VKORC1L1: variants seen among roughly 807,000 people sequenced by gnomAD.
VKORC1L1 encodes vitamin K epoxide reductase complex subunit 1-like protein 1.
Under a neutral mutation model 18.9 loss-of-function variants are expected in VKORC1L1, and 2 were observed. That is an observed-to-expected ratio of 0.11 (90% CI 0.04 to 0.33). The LOEUF is 0.33. Among genes scored for constraint, VKORC1L1 ranks in the 10% least tolerant of loss-of-function variants. The pLI, the probability that VKORC1L1 is intolerant of heterozygous loss-of-function variation, is 1.00. For synonymous variants in VKORC1L1, 96 were observed against 100.0 expected, an observed-to-expected ratio of 0.96 and a Z score of 0.24; for missense variants, 123 against 224.1, an observed-to-expected ratio of 0.55 and a Z score of 2.88.
At position 65,934,978 on chromosome 7, in the gene VKORC1L1, C is replaced by T. The variant is rs193278362; in HGVS notation, c.195-13693C>T. Among the ~76,000 whole-genome samples the T allele has an allele frequency of 5.4e-5, 8 of 147,270 alleles. No homozygotes were observed. In the South Asian group the frequency reaches 9.3e-4, roughly 17 times the overall value. ...CTGAGGCAGGAGAATCACTTGAACCCGGGAGGTGGATGTTGCAGTGAGTGG... is the reference window on the plus strand; with the variant it reads ...CTGAGGCAGGAGAATCACTTGAACCTGGGAGGTGGATGTTGCAGTGAGTGG... On this transcript the variant is annotated intron_variant, in intron 1 of 2. Coordinates refer to ENST00000360768, the MANE Select transcript of VKORC1L1 (RefSeq NM_173517.6).
chr7:65,954,144 G>A lies in VKORC1L1; in HGVS notation c.375G>A (p.Leu125=), dbSNP rs1273917765. The A allele has an allele frequency of 1.2e-6, 2 of 1,613,018 alleles. No individual in the cohort carries two copies. Among genetic ancestry groups the A allele is most frequent in the South Asian group, 1.1e-5 (1 of 91,064 alleles). ...TSSIMSVVGS[L]YLAYILYFVL... is the part of the protein sequence containing the mutation. ...CCATCATGTCGGTCGTGGGGTCCCT[G>A]TACCTGGCCTACATTCTGTACTTTG... The change falls in exon 3 of 3, where the codon CTG becomes CTA. Residue 125 remains leucine (L), a synonymous_variant. Coordinates refer to ENST00000360768, the MANE Select transcript of VKORC1L1 (RefSeq NM_173517.6).
At chr7:65,872,920 T>C (rs1195206690), upstream of VKORC1L1, among the ~76,000 whole-genome samples, 1 of 151,140 alleles carries the variant, frequency 6.6e-6, no homozygotes, top group East Asian at 2.0e-4. Context: ...CTCCTTTAAG[T>C]CCCTCCCGCA....
intron 1 of VKORC1L1, among the ~76,000 whole-genome samples, chr7:65,887,856 G>A (rs1394199993): frequency 6.6e-6 from 1 of 151,632 alleles, no homozygotes; most frequent in Non-Finnish European, 1.5e-5. Flanking sequence ...TAACAGGATT[G>A]CTTCGCAATA....
At chr7:65,919,516 C>T (rs761637310) in intron 1 of VKORC1L1, among the ~76,000 whole-genome samples, 4 of 152,056 alleles carry the variant, frequency 2.6e-5, no homozygotes, top group Non-Finnish European at 4.4e-5. Context: ...AGTCAGAAAC[C>T]TCTGTGTCAT....
At chr7:65,941,721 G>A (rs1438735014) in intron 1 of VKORC1L1, among the ~76,000 whole-genome samples, 1 of 133,822 alleles carries the variant, frequency 7.5e-6, no homozygotes, top group African/African-American at 2.9e-5. Context: ...CTATCATCCA[G>A]GCTGGGGTGC....
At chr7:65,893,137 A>G (rs932415108) in intron 1 of VKORC1L1, among the ~76,000 whole-genome samples, 1 of 152,108 alleles carries the variant, frequency 6.6e-6, no homozygotes, top group African/African-American at 2.4e-5. Flanking sequence ...CACTCTTCTC[A>G]CTCATTTTTT....
At chr7:65,880,834 T>C (rs1788916183) in intron 1 of VKORC1L1, among the ~76,000 whole-genome samples, 1 of 152,228 alleles carries the variant, frequency 6.6e-6, no homozygotes, top group Admixed American at 6.5e-5. Context: ...GGCGTTCTTA[T>C]AAACCATGTA....
At chr7:65,942,727 T>C (rs1790058193) in intron 1 of VKORC1L1, among the ~76,000 whole-genome samples, 1 of 151,854 alleles carries the variant, frequency 6.6e-6, no homozygotes, top group African/African-American at 2.4e-5. Flanking sequence ...GGTTTCGCCA[T>C]GTTGGCCAGG....
chr7:65,909,915 A>G (rs1286918555), intron 1 of VKORC1L1, among the ~76,000 whole-genome samples: 1 of 152,016 alleles, frequency 6.6e-6, no homozygotes, highest in African/African-American at 2.4e-5. Context: ...ACAGGGTTTC[A>G]GGATCTTGGC....
Position 65,956,743 on chromosome 7 carries a change from G to C in VKORC1L1, c.*2443G>C, listed in dbSNP as rs570746929. ...TATACCTCCGATTCTGCCCAGAAGAGGGGGGGAATCACCAGTGTTACAAAA... is the reference window on the plus strand; with the variant it reads ...TATACCTCCGATTCTGCCCAGAAGACGGGGGGAATCACCAGTGTTACAAAA... On this transcript the variant is annotated 3_prime_UTR_variant, in exon 3 of 3. Transcript: ENST00000360768. 6.6e-6 allele frequency: 1 copy of C among 152,116 alleles called. No individual in the cohort carries two copies. The highest frequency in any genetic ancestry group is 1.5e-5 in the Non-Finnish European group (1 of 68,010). The allele number at this position is 152,116 out of a possible 1,614,324, so 9.4% of individuals were successfully genotyped here.
intron 1 of VKORC1L1, among the ~76,000 whole-genome samples, chr7:65,911,030 C>T (rs1198698008): frequency 6.6e-6 from 1 of 152,192 alleles, no homozygotes; most frequent in Non-Finnish European, 1.5e-5. Flanking sequence ...TGATGTTACA[C>T]TTCACCATTA....
At chr7:65,935,434 C>T (rs1342837956) in intron 1 of VKORC1L1, among the ~76,000 whole-genome samples, 1 of 151,990 alleles carries the variant, frequency 6.6e-6, no homozygotes, top group African/African-American at 2.4e-5. Context: ...CTCAGCCTCC[C>T]GAGTAGCTGG....
chr7:65,941,394 C>G (rs1401014730), intron 1 of VKORC1L1, among the ~76,000 whole-genome samples: 2 of 152,138 alleles, frequency 1.3e-5, no homozygotes, highest in African/African-American at 4.8e-5. Flanking sequence ...GGATTACAGG[C>G]ATGAGCCACC....
At chr7:65,940,311 C>A (rs1790013834) in intron 1 of VKORC1L1, among the ~76,000 whole-genome samples, 1 of 152,156 alleles carries the variant, frequency 6.6e-6, no homozygotes, top group African/African-American at 2.4e-5. Context: ...AGCCATCACA[C>A]CTAGCCAGAA....
At chr7:65,950,006 T>A (rs1790186705) in intron 2 of VKORC1L1, among the ~76,000 whole-genome samples, 1 of 152,230 alleles carries the variant, frequency 6.6e-6, no homozygotes, top group Non-Finnish European at 1.5e-5. Flanking sequence ...TAATCAGTGT[T>A]ACCAATTTGC....
intron 1 of VKORC1L1, among the ~76,000 whole-genome samples, chr7:65,923,349 G>T (rs566715085): frequency 6.6e-6 from 1 of 152,012 alleles, no homozygotes; most frequent in East Asian, 1.9e-4. Context: ...AGGCTGCAGT[G>T]AGTTGTGATT....
In VKORC1L1 at chr7:65,955,730, A is replaced by G. The variant is rs1562660923; in HGVS notation, c.*1430A>G. ...CAGGTAGAAAACCTGCACTCTGCAG[A>G]AGGGTCCTGTGTGATCACTTAATCC... On this transcript the variant is annotated 3_prime_UTR_variant, in exon 3 of 3. Coordinates refer to ENST00000360768, the MANE Select transcript of VKORC1L1 (RefSeq NM_173517.6). 1 of 152,234 alleles carries G rather than the reference A, an allele frequency of 6.6e-6. No homozygotes were observed. The highest frequency in any genetic ancestry group is 1.5e-5 in the Non-Finnish European group (1 of 68,046). The allele number at this position is 152,234 out of a possible 1,614,324, so 9.4% of individuals were successfully genotyped here. A position where few individuals can be genotyped will look rare whatever the true frequency, so the allele number is the denominator to read the frequency against.
At position 65,930,819 on chromosome 7, in the gene VKORC1L1, AGAATT is replaced by A. The variant is rs540430892; in HGVS notation, c.195-17851_195-17847del. On this transcript the variant is annotated intron_variant, in intron 1 of 2. Transcript: ENST00000360768. ...TGCCTTCTTCCTATCTTAGGGAGAAAGAATTTCGTCTTTCCCCATTGAATGTGATG... is the reference window on the plus strand; with the variant it reads ...TGCCTTCTTCCTATCTTAGGGAGAAATCGTCTTTCCCCATTGAATGTGATG... Among the ~76,000 whole-genome samples, 11 of 152,232 alleles carry A rather than the reference AGAATT, an allele frequency of 7.2e-5. No homozygotes were observed. In the South Asian group the frequency reaches 2.3e-3, roughly 32 times the overall value.
intron 1 of VKORC1L1, among the ~76,000 whole-genome samples, chr7:65,928,573 T>G (rs564581294): frequency 2.0e-5 from 3 of 152,358 alleles, no homozygotes; most frequent in African/African-American, 7.2e-5. Flanking sequence ...TATCACCAAA[T>G]GAAACAATTC....
Sources: allele counts gnomAD v4.1 joint callset (sites outside exome capture counted in the v4.1 genomes callset), GRCh38; gene constraint gnomAD v4.1.1; transcripts MANE v1.5; gene names NCBI Gene and HGNC (gene_info 2026-07-23, HGNC 2026-07-21).